Variants in OTUD7B observed in about 807,000 individuals in gnomAD.
OTUD7B encodes the protein OTU deubiquitinase 7B, also known as OTU domain-containing protein 7B.
OTUD7B carries 34 observed loss-of-function variants against 82.2 expected under a neutral mutation model. That is an observed-to-expected ratio of 0.41 (90% CI 0.31 to 0.55). The LOEUF is 0.55. OTUD7B is among the 20% of genes least tolerant of loss of function. OTUD7B has a pLI of 0.20. For missense variants in OTUD7B, 944 were observed against 1,062.1 expected (o/e 0.89, Z 1.55); for synonymous variants, 398 against 402.7 (o/e 0.99, Z 0.14).
At chr1:150,018,777 T>G in the OTUD7B span, among the ~76,000 whole-genome samples, 2 of 152,166 alleles carry the variant, frequency 1.3e-5, no homozygotes, top group Non-Finnish European at 2.9e-5. Context: ...CATTCATCCC[T>G]GAAAGGAGCT....
the OTUD7B span, among the ~76,000 whole-genome samples, chr1:150,065,649 T>TGGA: frequency 6.6e-6 from 1 of 152,220 alleles, no homozygotes; most frequent in Non-Finnish European, 1.5e-5. Flanking sequence ...GGGTTTATCC[T>TGGA]GGATGAGTCA....
At chr1:150,039,829 C>T in the OTUD7B span, among the ~76,000 whole-genome samples, 1 of 152,112 alleles carries the variant, frequency 6.6e-6, no homozygotes, top group African/African-American at 2.4e-5. Context: ...GGCATAAGAG[C>T]AGATACTGAT....
Position 149,949,650 on chromosome 1 carries a change from T to C in OTUD7B, c.1102A>G (p.Lys368Glu). 1.2e-6 allele frequency: 2 copies of C among 1,614,170 alleles called. No homozygotes were observed. The highest frequency in any genetic ancestry group is 8.5e-7 in the Non-Finnish European group (1 of 1,180,018). Residue 368 changes from lysine (K) to glutamate (E), a missense_variant, in exon 9 of 12, where the codon AAG becomes GAG. Lys to Glu is a moderately conservative substitution (Grantham distance 56, BLOSUM62 1). Around this residue, in one of 3 missense-constraint regions of OTUD7B, gnomAD observed 530 missense variants for 625.6 expected, o/e 0.85. Transcript: ENST00000581312. The stretch of plus-strand genomic sequence containing the variant: ...GCACCTTGTTCCTTGGTATTCTCCT[T>C]CTGCTCCATGGACACGAGTGCAGAA... ...HFSALVSMEQ[K>E]ENTKEQAVIP...
intron 4 of OTUD7B, among the ~76,000 whole-genome samples, chr1:149,966,919 C>T (rs1176835373): frequency 6.6e-6 from 1 of 152,200 alleles, no homozygotes; most frequent in Non-Finnish European, 1.5e-5. Flanking sequence ...AACACAATTA[C>T]AAACGTAAAT....
the OTUD7B span, among the ~76,000 whole-genome samples, chr1:150,026,715 T>C: frequency 2.6e-5 from 4 of 152,044 alleles, no homozygotes; most frequent in African/African-American, 4.8e-5. Context: ...CTTAAAAGAA[T>C]AAAGCCAGTA....
the OTUD7B span, among the ~76,000 whole-genome samples, chr1:150,021,175 AT>A: frequency 6.6e-6 from 1 of 152,056 alleles, no homozygotes; most frequent in African/African-American, 2.4e-5. Context: ...AATGAGTCAG[AT>A]TTTTCCCCCT....
chr1:150,046,955 C>T, the OTUD7B span, among the ~76,000 whole-genome samples: 1 of 152,022 alleles, frequency 6.6e-6, no homozygotes, highest in African/African-American at 2.4e-5. Context: ...CCTGTAATCC[C>T]AGCTACTGGG....
intron 7 of OTUD7B, among the ~76,000 whole-genome samples, chr1:149,957,599 G>T (rs1553774812): frequency 2.0e-5 from 3 of 152,226 alleles, no homozygotes; most frequent in African/African-American, 7.2e-5. Context: ...AGAAGTTCCT[G>T]CTACCTTTTG....
chr1:149,964,580 G>GT (rs1255643311), intron 5 of OTUD7B, among the ~76,000 whole-genome samples: 1 of 151,664 alleles, frequency 6.6e-6, no homozygotes, highest in Non-Finnish European at 1.5e-5. Flanking sequence ...TGTTTATTTG[G>GT]TTTTTTATGG....
At chr1:149,949,486 T>C in intron 9 of OTUD7B, 143 bp downstream of exon 9, 1 of 834,440 alleles carries the variant, frequency 1.2e-6, no homozygotes, top group East Asian at 2.5e-5. Context: ...TTGAAAACTC[T>C]GGCGTAACTT....
At chr1:149,982,252 G>GA (rs1426065707) in intron 1 of OTUD7B, among the ~76,000 whole-genome samples, 149,633 of 150,220 alleles carry the variant, frequency 1, 74,524 homozygotes, top group Middle Eastern at 1. Flanking sequence ...TATAAACAGA[G>GA]AAAAAAAAAG....
At chr1:150,004,357 T>G (rs1023456006) in intron 1 of OTUD7B, among the ~76,000 whole-genome samples, 31 of 151,954 alleles carry the variant, frequency 2.0e-4, no homozygotes, top group African/African-American at 7.5e-4. Context: ...GTCAGGAGTT[T>G]GAGACCAGCC....
chr1:150,036,903 A>G, the OTUD7B span, among the ~76,000 whole-genome samples: 1 of 152,216 alleles, frequency 6.6e-6, no homozygotes, highest in African/African-American at 2.4e-5. Flanking sequence ...ACTCATTCTT[A>G]GAATTGAATT....
rs187934124 is a variant in OTUD7B at position 149,964,463 on chromosome 1, C to T, written c.605-114G>A. On this transcript the variant is annotated intron_variant, in intron 5 of 11. Coordinates refer to ENST00000581312, the MANE Select transcript of OTUD7B (RefSeq NM_020205.4). ...GCCAGGCTGGTCTCAAACCCCTGGC[C>T]TCAAGTGACCCCCCTGCCTTACCCT... 1.1e-4 allele frequency: 109 copies of T among 983,736 alleles called. No individual in the cohort carries two copies. In the African/African-American group the frequency reaches 1.7e-3, roughly 16 times the overall value. The allele number at this position is 983,736 out of a possible 1,614,324, so 60.9% of individuals were successfully genotyped here.
chr1:149,940,872 C>G lies in OTUD7B; in HGVS notation c.*2985G>C, dbSNP rs1009821870. ...CAGGCATTATTCCTTCACCTCCCCC[C>G]ATCCCACCAAGACCCTCCCCGAAAG... is the stretch of plus-strand genomic sequence containing the variant. On this transcript the variant is annotated 3_prime_UTR_variant, in exon 12 of 12. Coordinates refer to ENST00000581312, the MANE Select transcript of OTUD7B (RefSeq NM_020205.4). 11 of 151,970 alleles carry G rather than the reference C, an allele frequency of 7.2e-5. No homozygotes were observed. The highest frequency in any genetic ancestry group is 8.8e-5 in the Non-Finnish European group (6 of 67,996). 9.4% of individuals were successfully genotyped at this position (151,970 alleles called of 1,614,324 possible). A position where few individuals can be genotyped will look rare whatever the true frequency, so the allele number is the denominator to read the frequency against.
chr1:149,971,638 G>A (rs900457933), intron 2 of OTUD7B, among the ~76,000 whole-genome samples: 1 of 152,110 alleles, frequency 6.6e-6, no homozygotes, highest in African/African-American at 2.4e-5. Flanking sequence ...CTAATTCTGA[G>A]ATCCAAAGAG....
At chr1:149,961,260 T>C (rs782083936) in intron 6 of OTUD7B, 6 of 152,194 alleles carry the variant, frequency 3.9e-5, no homozygotes, top group Non-Finnish European at 7.3e-5. Flanking sequence ...AGAACTCAGG[T>C]ATCATTCCTC....
At chr1:150,045,518 T>C in the OTUD7B span, among the ~76,000 whole-genome samples, 1 of 152,124 alleles carries the variant, frequency 6.6e-6, no homozygotes, top group Non-Finnish European at 1.5e-5. Context: ...CAGACACATA[T>C]CAGAGTTGAG....
intron 7 of OTUD7B, among the ~76,000 whole-genome samples, chr1:149,956,620 G>T (rs1312646288): frequency 6.6e-6 from 1 of 152,162 alleles, no homozygotes; most frequent in Non-Finnish European, 1.5e-5. Context: ...ATAATATCCC[G>T]AAGAGTGTTT....
Sources: gnomAD v4.1 joint callset for allele counts (sites outside exome capture counted in the v4.1 genomes callset) on GRCh38, gnomAD v4.1.1 for gene constraint, gnomAD v4.1.1 regional missense constraint, MANE v1.5 for transcripts, NCBI Gene and HGNC (gene_info 2026-07-23, HGNC 2026-07-21) for gene names.